RANBP2: variants seen among roughly 807,000 people sequenced by gnomAD.
The protein encoded by RANBP2 is RAN binding protein 2.
A neutral mutation model predicts 303.6 loss-of-function variants in RANBP2; 57 were observed. The ratio of observed to expected loss-of-function variants is 0.19; its 90% CI spans 0.15 to 0.23. The LOEUF is 0.23. Among genes scored for constraint, RANBP2 ranks in the 10% least tolerant of loss-of-function variants. RANBP2 has a pLI of 1.00. For missense variants in RANBP2, 3,138 were observed against 3,780.8 expected (o/e 0.83, Z 4.46); for synonymous variants, 1,167 against 1,301.5 (o/e 0.90, Z 2.23).
At chr2:109,196,215 C>T in the RANBP2 span, among the ~76,000 whole-genome samples, 3 of 152,322 alleles carry the variant, frequency 2.0e-5, no homozygotes, top group South Asian at 4.1e-4. Flanking sequence ...GAGGCCATGT[C>T]GGGGTGTTTG....
At chr2:109,086,021 T>C in the RANBP2 span, among the ~76,000 whole-genome samples, 1 of 152,240 alleles carries the variant, frequency 6.6e-6, no homozygotes, top group Non-Finnish European at 1.5e-5. Context: ...AGTGGAATCA[T>C]ACCATATTTG....
the RANBP2 span, chr2:109,419,777 A>G: frequency 8.0e-6 from 6 of 754,196 alleles, no homozygotes; most frequent in Non-Finnish European, 1.3e-5. Context: ...TGTGCGTCTA[A>G]TAACACCGCT....
the RANBP2 span, among the ~76,000 whole-genome samples, chr2:109,194,113 A>G: frequency 1.7e-4 from 26 of 152,390 alleles, no homozygotes; most frequent in African/African-American, 6.0e-4. Context: ...CGCTGGATGC[A>G]TGGGCAGTTG....
the RANBP2 span, among the ~76,000 whole-genome samples, chr2:109,022,511 A>C: frequency 1.1e-4 from 16 of 152,188 alleles, no homozygotes; most frequent in African/African-American, 2.9e-4. Flanking sequence ...TCAGAAAGTC[A>C]AACACTGCAT....
At chr2:108,750,993 G>T (rs1000369279) in intron 9 of RANBP2, among the ~76,000 whole-genome samples, 1 of 152,042 alleles carries the variant, frequency 6.6e-6, no homozygotes, top group Non-Finnish European at 1.5e-5. Context: ...GTTGATTTTG[G>T]TTTATTGAGT....
chr2:109,305,780 A>C, the RANBP2 span, among the ~76,000 whole-genome samples: 2 of 152,234 alleles, frequency 1.3e-5, no homozygotes, highest in African/African-American at 4.8e-5. Flanking sequence ...CAGATGCCAC[A>C]AAACTTGCTG....
the RANBP2 span, among the ~76,000 whole-genome samples, chr2:109,721,503 C>T: frequency 1.3e-5 from 2 of 152,068 alleles, no homozygotes; most frequent in African/African-American, 2.4e-5. Flanking sequence ...TGCTGGAATT[C>T]GCTCAGAAGG....
chr2:109,103,220 C>T, the RANBP2 span, among the ~76,000 whole-genome samples: 4 of 152,132 alleles, frequency 2.6e-5, no homozygotes, highest in Admixed American at 6.5e-5. Context: ...TTATAACTAC[C>T]GTGATGGTGT....
the RANBP2 span, among the ~76,000 whole-genome samples, chr2:109,269,985 C>T: frequency 6.6e-6 from 1 of 152,166 alleles, no homozygotes; most frequent in East Asian, 1.9e-4. Context: ...ATTAATGAAG[C>T]CCTAGGAAAG....
chr2:108,990,348 G>A, the RANBP2 span, among the ~76,000 whole-genome samples: 20 of 149,820 alleles, frequency 1.3e-4, no homozygotes, highest in African/African-American at 2.9e-4. Flanking sequence ...GGAGAATGGC[G>A]TGAACCCGGG....
At chr2:108,783,476 A>G in intron 28 of RANBP2, 120 bp from the exon 29 acceptor site, 2 of 689,760 alleles carry the variant, frequency 2.9e-6, no homozygotes, top group South Asian at 4.6e-5. Flanking sequence ...ATACTCAGGA[A>G]AGCTGGGCTT....
chr2:109,273,375 G>C, the RANBP2 span, among the ~76,000 whole-genome samples: 2 of 152,222 alleles, frequency 1.3e-5, no homozygotes, highest in Non-Finnish European at 2.9e-5. Context: ...GAGCCTTAAC[G>C]CATGGATGAG....
At chr2:109,439,626 C>A in the RANBP2 span, among the ~76,000 whole-genome samples, 1 of 152,124 alleles carries the variant, frequency 6.6e-6, no homozygotes. Context: ...TAATGTAACT[C>A]CTTTCCCAAA....
chr2:109,260,256 A>G, the RANBP2 span, among the ~76,000 whole-genome samples: 1 of 152,162 alleles, frequency 6.6e-6, no homozygotes, highest in East Asian at 1.9e-4. Flanking sequence ...AAAACCATGC[A>G]AACTGACGCC....
intron 20 of RANBP2, among the ~76,000 whole-genome samples, chr2:108,769,061 A>G (rs911158956): frequency 3.3e-5 from 5 of 151,818 alleles, no homozygotes; most frequent in African/African-American, 1.2e-4. Context: ...CGTGATATTG[A>G]GATGTTCTCA....
At chr2:109,015,836 A>G in the RANBP2 span, among the ~76,000 whole-genome samples, 1 of 152,172 alleles carries the variant, frequency 6.6e-6, no homozygotes, top group Admixed American at 6.5e-5. Flanking sequence ...GTGCTAATCA[A>G]CTGTTTATGT....
the RANBP2 span, chr2:109,732,776 G>T: frequency 1.2e-6 from 1 of 844,614 alleles, no homozygotes; most frequent in South Asian, 1.3e-5. Flanking sequence ...GACTGAATTG[G>T]AACAGACTTT....
the RANBP2 span, among the ~76,000 whole-genome samples, chr2:109,108,080 T>C: frequency 2.0e-5 from 3 of 152,244 alleles, no homozygotes; most frequent in Non-Finnish European, 4.4e-5. Context: ...CAGTTTTTTG[T>C]ATTTTTAGTA....
chr2:109,219,978 G>A, the RANBP2 span, among the ~76,000 whole-genome samples: 1 of 152,160 alleles, frequency 6.6e-6, no homozygotes, highest in South Asian at 2.1e-4. Context: ...AAACAATCTT[G>A]AAAAGGAGGA....
Sources: allele counts gnomAD v4.1 joint callset (sites outside exome capture counted in the v4.1 genomes callset), GRCh38; gene constraint gnomAD v4.1.1; transcripts MANE v1.5; gene names NCBI Gene and HGNC (gene_info 2026-07-23, HGNC 2026-07-21).